KRT78: variants seen among roughly 807,000 people sequenced by gnomAD.
KRT78 encodes the protein keratin 78.
Under a neutral mutation model 51.4 loss-of-function variants are expected in KRT78, and 55 were observed. The ratio of observed to expected loss-of-function variants is 1.07; its 90% CI spans 0.86 to 1.34. The LOEUF is 1.34. Ranked by LOEUF, KRT78 falls within the 40% of genes most tolerant of loss-of-function variation. The pLI is 0.00. For missense variants in KRT78, 652 were observed against 649.4 expected, an observed-to-expected ratio of 1.00 and a Z score of -0.04; for synonymous variants, 291 against 264.3, an observed-to-expected ratio of 1.10 and a Z score of -0.98.
Position 52,839,044 on chromosome 12 carries a change from G to A in KRT78, c.*69C>T. The A allele has an allele frequency of 6.4e-7, 1 of 1,554,032 alleles. No homozygotes were observed. Among genetic ancestry groups the A allele is most frequent in the Non-Finnish European group, 8.7e-7 (1 of 1,152,044 alleles). On this transcript the variant is annotated 3_prime_UTR_variant, in exon 9 of 9. Coordinates refer to ENST00000304620, the MANE Select transcript of KRT78 (RefSeq NM_173352.4). ...GCTGTGGGCAGCGGACACGGAGTTG[G>A]CCTTGCAGAGCCGGCTGATGGGGGG...
intron 4 of KRT78, 117 bp from the exon 5 acceptor site, chr12:52,844,840 C>A: frequency 9.9e-7 from 1 of 1,012,732 alleles, no homozygotes; most frequent in East Asian, 2.6e-5. Flanking sequence ...CCATTCATCC[C>A]AGGTGGCTTT....
rs752032731 is a variant in KRT78 at position 52,846,244 on chromosome 12, C to T, written c.709G>A (p.Glu237Lys). 2 of 1,613,888 alleles carry T rather than the reference C, an allele frequency of 1.2e-6. No individual in the cohort carries two copies. The highest frequency in any genetic ancestry group is 2.2e-5 in the East Asian group (1 of 44,876). The change falls in exon 4 of 9, where the codon GAG (glutamate) becomes AAG (lysine). Residue 237 changes from glutamate (E) to lysine (K), a missense_variant. Physicochemically the swap from Glu to Lys is moderately conservative, Grantham distance 56. Coordinates refer to ENST00000304620, the MANE Select transcript of KRT78 (RefSeq NM_173352.4). ...LSKMELEGKLEALREYLYFLK... is the reference protein window; with the variant it reads ...LSKMELEGKLKALREYLYFLK... ...AAGTAGAGGTACTCTCTCAGAGCCT[C>T]CAGCTTGCCCTCCAACTCCATCTTG... is the stretch of plus-strand genomic sequence containing the variant.
In KRT78 at chr12:52,838,400, G is replaced by C. The variant is rs150646196; in HGVS notation, c.*713C>G. On this transcript the variant is annotated 3_prime_UTR_variant, in exon 9 of 9. Transcript: ENST00000304620. ...GATAAGATGAGAGCCAACAGATAAG[G>C]GGGTAGGGGCAGAGTTTGAACCCCA... The C allele has an allele frequency of 6.6e-6, 1 of 152,606 alleles. No homozygotes were observed. Among genetic ancestry groups the C allele is most frequent in the Non-Finnish European group, 1.5e-5 (1 of 68,306 alleles). The allele number at this position is 152,606 out of a possible 1,614,324, so 9.5% of individuals were successfully genotyped here.
chr12:52,841,348 A>G (rs572336509), intron 6 of KRT78, among the ~76,000 whole-genome samples: 2 of 151,770 alleles, frequency 1.3e-5, no homozygotes, highest in African/African-American at 4.8e-5. Flanking sequence ...TTAGCCGGGC[A>G]TGGTGGCACA....
At chr12:52,845,984 A>G (rs1940632410) in intron 4 of KRT78, 1 of 530,400 alleles carries the variant, frequency 1.9e-6, no homozygotes. Flanking sequence ...TTTTATCTGT[A>G]GTGATTTTTT....
At chr12:52,844,265 C>A (rs751419242) in intron 5 of KRT78, 47 bp from the exon 6 acceptor site, 2 of 1,542,508 alleles carry the variant, frequency 1.3e-6, no homozygotes, top group Non-Finnish European at 1.7e-6. Flanking sequence ...GGACTGCCAC[C>A]TTTGACCATC....
In KRT78 at chr12:52,848,113, GA is replaced by G. The variant is rs1305263684; in HGVS notation, c.392del (p.Phe131SerfsTer21). The part of the protein sequence containing the change: ...QFASFIDKVR[F>X]LEQQNKVLET... ...CCAGGACCTTGTTCTGCTGCTCCAG[GA>G]ACCGCACCTGCAGCAAAAGCAGAGG... On this transcript the variant is annotated frameshift_variant, in exon 2 of 9. Transcript: ENST00000304620. LOFTEE classifies it high-confidence loss of function. 1.9e-6 allele frequency: 3 copies of G among 1,614,044 alleles called. No homozygotes were observed. Among genetic ancestry groups the G allele is most frequent in the South Asian group, 1.1e-5 (1 of 91,062 alleles).
At position 52,848,574 on chromosome 12, in the gene KRT78, G is replaced by A. The variant is rs1279880261; in HGVS notation, c.357C>T (p.Asn119=). 6.2e-7 allele frequency: 1 copy of A among 1,614,118 alleles called. No individual in the cohort carries two copies. The highest frequency in any genetic ancestry group is 2.2e-5 in the East Asian group (1 of 44,886). ...TQETQEIRTL[N]NQFASFIDKV... Reference sequence around the variant, plus strand: ...TGTCAATGAAGGAAGCAAACTGGTTGTTGAGGGTTCTGATCTCCTGGGTCT... The same window carrying A: ...TGTCAATGAAGGAAGCAAACTGGTTATTGAGGGTTCTGATCTCCTGGGTCT... The change falls in exon 1 of 9, where the codon AAC becomes AAT. Residue 119 remains asparagine (N), a synonymous_variant. Coordinates refer to ENST00000304620, the MANE Select transcript of KRT78 (RefSeq NM_173352.4).
chr12:52,839,486 TC>T lies in KRT78; in HGVS notation c.1269del (p.Met424CysfsTer49). 1 of 1,593,336 alleles carries T rather than the reference TC, an allele frequency of 6.3e-7. No individual in the cohort carries two copies. The highest frequency in any genetic ancestry group is 1.1e-5 in the South Asian group (1 of 88,090). ...YRRLLEGEEC[R>X]MSGECTSQVT... ...ACCTGGCTGGTGCACTCCCCAGACA[TC>T]CTAGGGGGAAAAGGACAAGAGGGGG... On this transcript the variant is annotated frameshift_variant and splice_region_variant, in exon 8 of 9. Transcript: ENST00000304620. LOFTEE classifies it low-confidence loss of function (END_TRUNC).
chr12:52,844,721 C>G lies in KRT78; in HGVS notation c.759G>C (p.Glu253Asp), dbSNP rs1245976831. The G allele has an allele frequency of 1.2e-6, 2 of 1,607,954 alleles. No individual in the cohort carries two copies. The highest frequency in any genetic ancestry group is 1.7e-6 in the Non-Finnish European group (2 of 1,176,294). Residue 253 changes from glutamate (E) to aspartate (D), a missense_variant and splice_region_variant, in exon 5 of 9, where the codon GAG (glutamate) becomes GAC (aspartate). Glu to Asp is a conservative substitution (Grantham distance 45). Transcript: ENST00000304620. Reference sequence around the variant, plus strand: ...TGGCCTGGGTCTGGAGCTGGCCCAGCTCCTGCAGGGAAGACAGACTCAGTG... The same window carrying G: ...TGGCCTGGGTCTGGAGCTGGCCCAGGTCCTGCAGGGAAGACAGACTCAGTG... ...LYFLKHLNEE[E>D]LGQLQTQASD...
Position 52,847,953 on chromosome 12 carries a change from C to G in KRT78, c.553G>C (p.Ala185Pro), listed in dbSNP as rs765791649. Residue 185 changes from alanine to proline, a missense_variant, in exon 2 of 9, where the codon GCT (alanine) becomes CCT (proline). Coordinates refer to ENST00000304620, the MANE Select transcript of KRT78 (RefSeq NM_173352.4). ...TGGTCCCGGCAGGCCTTCAACTCAG[C>G]ATCCAGAGCCCCTCGTTCTCCCTGG... ...QLQGERGALD[A>P]ELKACRDQEE... The G allele has an allele frequency of 7.4e-6, 12 of 1,614,230 alleles. 1 individual carries two copies. Among genetic ancestry groups the G allele is most frequent in the Middle Eastern group, 1.6e-4 (1 of 6,062 alleles).
At position 52,843,245 on chromosome 12, in the gene KRT78, T is replaced by C. The variant is rs147481538; in HGVS notation, c.1047+848A>G. On this transcript the variant is annotated intron_variant, in intron 6 of 8. Coordinates refer to ENST00000304620, the MANE Select transcript of KRT78 (RefSeq NM_173352.4). ...AGCCAAGCATGGTGGTGAGTGCCTG[T>C]AATTCCAGCTACTCAGTAGGCTGAG... Among the ~76,000 whole-genome samples the C allele has an allele frequency of 7.7e-3, 1,168 of 151,366 alleles. 8 individuals are homozygous for C. Among genetic ancestry groups the C allele is most frequent in the Non-Finnish European group, 0.011 (735 of 67,908 alleles).
chr12:52,843,688 CAA>C (rs1158055717), intron 6 of KRT78, among the ~76,000 whole-genome samples: 20 of 63,198 alleles, frequency 3.2e-4, no homozygotes, highest in Non-Finnish European at 4.1e-4. Context: ...GACTCTGTCT[CAA>C]AAAAAAAAAA....
chr12:52,848,444 G>A, intron 1 of KRT78, 103 bp downstream of exon 1: 1 of 1,527,524 alleles, frequency 6.5e-7, no homozygotes, highest in East Asian at 2.3e-5. Flanking sequence ...GAAGTTATTA[G>A]AAAAGTGGTA....
intron 3 of KRT78, 34 bp downstream of exon 3, chr12:52,846,730 A>G (rs1257027067): frequency 1.6e-5 from 26 of 1,594,914 alleles, no homozygotes; most frequent in Non-Finnish European, 2.2e-5. Flanking sequence ...GTGGATGCTC[A>G]GAACGTAAGT....
intron 6 of KRT78, 112 bp downstream of exon 6, chr12:52,843,980 GT>G: frequency 7.8e-7 from 1 of 1,287,634 alleles, no homozygotes; most frequent in Non-Finnish European, 1.1e-6. Context: ...AGTTATCAAG[GT>G]CCTCGACACA....
At position 52,844,096 on chromosome 12, in the gene KRT78, C is replaced by A. The variant is rs765374306; in HGVS notation, c.1044G>T (p.Lys348Asn). 6.2e-6 allele frequency: 10 copies of A among 1,612,506 alleles called. No individual in the cohort carries two copies. The highest frequency in any genetic ancestry group is 8.5e-6 in the Non-Finnish European group (10 of 1,179,518). The change falls in exon 6 of 9, where the codon AAG becomes AAT. Residue 348 changes from lysine (K) to asparagine (N), a missense_variant. Lys to Asn is a moderately conservative substitution (Grantham distance 94). Coordinates refer to ENST00000304620, the MANE Select transcript of KRT78 (RefSeq NM_173352.4). ...TTGGGGGTCTCTGGGAATCTACCTG[C>A]TTCTTGAGGTTCTCAGTCTGACTCT... ...RLQSQTENLK[K>N]QNASLQAAIT...
intron 6 of KRT78, among the ~76,000 whole-genome samples, chr12:52,841,330 A>AT (rs1565697930): frequency 6.6e-6 from 1 of 151,696 alleles, no homozygotes; most frequent in Non-Finnish European, 1.5e-5. Flanking sequence ...AAAAATAAAA[A>AT]AAAAAAATTA....
chr12:52,847,718 G>A lies in KRT78; in HGVS notation c.599+189C>T, dbSNP rs61929778. Among the ~76,000 whole-genome samples the A allele has an allele frequency of 7.0e-3, 1,061 of 152,210 alleles. 8 individuals are homozygous for A. The highest frequency in any genetic ancestry group is 0.012 in the Non-Finnish European group (791 of 68,010). ...TTCTCCAGATCTGCTTGGGGACTGC[G>A]GGACACCTCGTTTACCTGTAGCAGG... On this transcript the variant is annotated intron_variant, in intron 2 of 8. Coordinates refer to ENST00000304620, the MANE Select transcript of KRT78 (RefSeq NM_173352.4).
Sources: gnomAD v4.1 joint callset for allele counts (sites outside exome capture counted in the v4.1 genomes callset) on GRCh38, gnomAD v4.1.1 for gene constraint, MANE v1.5 for transcripts, NCBI Gene and HGNC (gene_info 2026-07-23, HGNC 2026-07-21) for gene names.